The following DLC1 variants were observed in gnomAD, a reference collection of about 807,000 sequenced individuals.
The protein encoded by DLC1 is DLC1 Rho GTPase activating protein, also known as rho GTPase-activating protein 7.
A neutral mutation model predicts 140.3 loss-of-function variants in DLC1; 54 were observed. The observed-to-expected ratio is 0.38, with a 90% CI of 0.31 to 0.48. The LOEUF (loss-of-function observed/expected upper bound fraction) is 0.48, where lower values mean the gene tolerates loss of function less well. DLC1 is among the 20% of genes least tolerant of loss of function. DLC1 has a pLI of 0.96. For missense variants in DLC1, 2,536 were observed against 1,907.0 expected, an observed-to-expected ratio of 1.33 and a Z score of -6.14; for synonymous variants, 986 against 728.1, an observed-to-expected ratio of 1.35 and a Z score of -5.70.
At chr8:13,525,499 G>A (rs1172144851) in intron 1 of DLC1, among the ~76,000 whole-genome samples, 1 of 152,164 alleles carries the variant, frequency 6.6e-6, no homozygotes, top group Non-Finnish European at 1.5e-5. Flanking sequence ...CCAACAGTTG[G>A]TATGATGAGT....
At chr8:13,443,462 A>G (rs1435176418) in intron 2 of DLC1, among the ~76,000 whole-genome samples, 4 of 151,706 alleles carry the variant, frequency 2.6e-5, no homozygotes, top group East Asian at 1.9e-4. Flanking sequence ...GATCGAGACC[A>G]TCCTGGCTAA....
At chr8:13,109,021 C>T (rs1054917734) in intron 7 of DLC1, among the ~76,000 whole-genome samples, 27 of 152,152 alleles carry the variant, frequency 1.8e-4, no homozygotes, top group Admixed American at 1.1e-3. Context: ...AAAGTGACAG[C>T]GTTTCTGTGG....
At chr8:13,603,340 C>A (rs938147189) in intron 1 of DLC1, among the ~76,000 whole-genome samples, 1 of 151,562 alleles carries the variant, frequency 6.6e-6, no homozygotes, top group African/African-American at 2.4e-5. Context: ...GTAATTCTTA[C>A]ACACAATTCA....
chr8:13,304,649 T>G lies in DLC1; in HGVS notation c.1348+620A>C, dbSNP rs986235669. The G allele has an allele frequency of 5.4e-6, 5 of 927,828 alleles. No homozygotes were observed. In the Admixed American group the frequency reaches 3.1e-4, roughly 57 times the overall value. 57.5% of individuals were successfully genotyped at this position (927,828 alleles called of 1,614,324 possible). A position where few individuals can be genotyped will look rare whatever the true frequency, so the allele number is the denominator to read the frequency against. On this transcript the variant is annotated intron_variant, in intron 5 of 17. Coordinates refer to ENST00000276297, the MANE Select transcript of DLC1 (RefSeq NM_182643.3). ...ACCTTTAATCTGTTTTCGTTTTTAT[T>G]ACACAGAACACATAAGATAGTATGA... is the stretch of plus-strand genomic sequence containing the variant.
chr8:13,233,022 C>T (rs1359012256), intron 5 of DLC1, among the ~76,000 whole-genome samples: 3 of 152,006 alleles, frequency 2.0e-5, no homozygotes, highest in Non-Finnish European at 4.4e-5. Flanking sequence ...TGGCTGGGTG[C>T]AGTGCCTCAT....
chr8:13,462,643 T>C (rs951763432), intron 2 of DLC1, among the ~76,000 whole-genome samples: 5 of 152,144 alleles, frequency 3.3e-5, no homozygotes, highest in African/African-American at 1.2e-4. Flanking sequence ...CCTGACTTCA[T>C]GATCTGCCTG....
At chr8:13,400,491 T>C (rs1320399671) in intron 3 of DLC1, among the ~76,000 whole-genome samples, 1 of 152,218 alleles carries the variant, frequency 6.6e-6, no homozygotes, top group African/African-American at 2.4e-5. Context: ...ATTTTGCCTA[T>C]TCTGAATACA....
At chr8:13,269,187 A>G (rs1830818335) in intron 5 of DLC1, among the ~76,000 whole-genome samples, 1 of 152,128 alleles carries the variant, frequency 6.6e-6, no homozygotes, top group Non-Finnish European at 1.5e-5. Flanking sequence ...TCATATTCTA[A>G]GAAAGCACAT....
intron 1 of DLC1, among the ~76,000 whole-genome samples, chr8:13,556,922 T>G (rs575682608): frequency 3.1e-4 from 47 of 152,320 alleles, no homozygotes; most frequent in African/African-American, 1.1e-3. Flanking sequence ...GAAGACAGAC[T>G]TTTTCCAGCC....
intron 5 of DLC1, among the ~76,000 whole-genome samples, chr8:13,211,375 G>A (rs1439619922): frequency 1.3e-5 from 2 of 151,966 alleles, no homozygotes; most frequent in South Asian, 2.1e-4. Context: ...CTTTGCCTAG[G>A]GGTAGCCCTG....
chr8:13,475,622 C>T (rs1314596635), intron 2 of DLC1, among the ~76,000 whole-genome samples: 1 of 152,122 alleles, frequency 6.6e-6, no homozygotes, highest in East Asian at 1.9e-4. Flanking sequence ...TAACTGTCAC[C>T]ACAAACTCTC....
chr8:13,383,516 G>C (rs534038223), intron 4 of DLC1, among the ~76,000 whole-genome samples: 2 of 152,174 alleles, frequency 1.3e-5, no homozygotes, highest in Non-Finnish European at 2.9e-5. Flanking sequence ...TTTGGAGCAG[G>C]CTAGTGCTTT....
At chr8:13,151,142 C>T (rs1009326905) in intron 5 of DLC1, among the ~76,000 whole-genome samples, 6 of 152,072 alleles carry the variant, frequency 3.9e-5, no homozygotes, top group Admixed American at 1.3e-4. Context: ...GATCTGTGGG[C>T]AGATGTCTGA....
intron 5 of DLC1, among the ~76,000 whole-genome samples, chr8:13,116,403 G>C (rs1298166277): frequency 6.6e-6 from 1 of 152,144 alleles, no homozygotes; most frequent in Admixed American, 6.5e-5. Flanking sequence ...CGTTAAAACT[G>C]ACTCACAGAG....
At chr8:13,143,038 C>T (rs1216985958) in intron 5 of DLC1, among the ~76,000 whole-genome samples, 4 of 125,084 alleles carry the variant, frequency 3.2e-5, no homozygotes, top group Non-Finnish European at 3.3e-5. Flanking sequence ...AGTGAAACTC[C>T]GTCTCAAAAA....
At position 13,090,335 on chromosome 8, in the gene DLC1, C is replaced by A. The variant is rs750990463; in HGVS notation, c.3991G>T (p.Gly1331Cys). 6.2e-7 allele frequency: 1 copy of A among 1,614,186 alleles called. No homozygotes were observed. The highest frequency in any genetic ancestry group is 1.7e-5 in the Admixed American group (1 of 60,030). Residue 1331 changes from glycine to cysteine, a missense_variant, in exon 15 of 18, where the codon GGC becomes TGC. By Grantham distance (159) the Gly-to-Cys change is radical. Transcript: ENST00000276297. ...TTCTCTTTGACTTCTTTAAACAGGC[C>A]ATCCACACAGTCCTGGAGGAAGTGT... ...YQHFLQDCVDGLFKEVKEKFK... is the reference protein window; with the variant it reads ...YQHFLQDCVDCLFKEVKEKFK...
intron 5 of DLC1, among the ~76,000 whole-genome samples, chr8:13,270,419 C>T (rs1433097006): frequency 6.6e-6 from 1 of 152,202 alleles, no homozygotes; most frequent in Admixed American, 6.5e-5. Flanking sequence ...TCCCATACCA[C>T]AGCTGAGCCA....
At chr8:13,090,586 A>G in intron 14 of DLC1, 116 bp from the exon 15 acceptor site, 1 of 1,211,952 alleles carries the variant, frequency 8.3e-7, no homozygotes, top group East Asian at 2.5e-5. Flanking sequence ...CAGTGCAGGC[A>G]TCTTCCCGCC....
chr8:13,596,471 A>AT (rs1805683606), intron 1 of DLC1, among the ~76,000 whole-genome samples: 1 of 152,124 alleles, frequency 6.6e-6, no homozygotes, highest in South Asian at 2.1e-4. Context: ...TGAAAATCAG[A>AT]TTCCTTAGAG....
Sources: allele counts gnomAD v4.1 joint callset (sites outside exome capture counted in the v4.1 genomes callset), GRCh38; gene constraint gnomAD v4.1.1; transcripts MANE v1.5; gene names NCBI Gene and HGNC (gene_info 2026-07-23, HGNC 2026-07-21).